PECR: variants seen among roughly 807,000 people sequenced by gnomAD.
PECR encodes the protein peroxisomal trans-2-enoyl-CoA reductase, also known as 2,4-dienoyl-CoA reductase-related protein.
A neutral mutation model predicts 35.3 loss-of-function variants in PECR; 30 were observed. That is an observed-to-expected ratio of 0.85 (90% CI 0.64 to 1.15). The LOEUF (loss-of-function observed/expected upper bound fraction) is 1.15. Among genes scored for constraint, PECR ranks in the 50% most tolerant of loss-of-function variants. The pLI is 0.00. For synonymous variants in PECR, 148 were observed against 138.9 expected, an observed-to-expected ratio of 1.07 and a Z score of -0.46; for missense variants, 392 against 370.8, an observed-to-expected ratio of 1.06 and a Z score of -0.47.
At chr2:216,036,518 A>T (rs555280059), downstream of PECR, among the ~76,000 whole-genome samples, 2 of 152,294 alleles carry the variant, frequency 1.3e-5, no homozygotes, top group East Asian at 3.9e-4. Flanking sequence ...AGGAGGAGAG[A>T]GAGTTACTTT....
chr2:216,063,172 C>A (rs1222397017), intron 3 of PECR, among the ~76,000 whole-genome samples: 1 of 152,072 alleles, frequency 6.6e-6, no homozygotes, highest in East Asian at 1.9e-4. Flanking sequence ...TGATATCTGG[C>A]AATATTTTTT....
chr2:216,038,254 C>T (rs542316209), downstream of PECR, among the ~76,000 whole-genome samples: 37 of 152,210 alleles, frequency 2.4e-4, 1 homozygote, highest in Admixed American at 2.2e-3. Context: ...ACTGGAGCCA[C>T]GGAAGGCAGA....
chr2:216,033,482 G>A (rs1329642312), downstream of PECR, among the ~76,000 whole-genome samples: 1 of 152,078 alleles, frequency 6.6e-6, no homozygotes, highest in Non-Finnish European at 1.5e-5. Flanking sequence ...TCCAACAAGA[G>A]CCCTGAAGGA....
chr2:216,038,876 C>T lies in PECR; in HGVS notation c.*399G>A, dbSNP rs1277407603. The T allele has an allele frequency of 4.6e-6, 1 of 217,016 alleles. No individual in the cohort carries two copies. Among genetic ancestry groups the T allele is most frequent in the Non-Finnish European group, 9.3e-6 (1 of 107,638 alleles). The allele number at this position is 217,016 out of a possible 1,614,324, so 13.4% of individuals were successfully genotyped here. A position where few individuals can be genotyped will look rare whatever the true frequency, so the allele number is the denominator to read the frequency against. ...CTGACCTCAACTGACCCGCCTACCT[C>T]GGCCTCCCAAAGTGCTGGAATTACA... On this transcript the variant is annotated 3_prime_UTR_variant, in exon 8 of 8. Coordinates refer to ENST00000265322, the MANE Select transcript of PECR (RefSeq NM_018441.6).
intron 3 of PECR, 62 bp from the exon 4 acceptor site, chr2:216,059,038 T>G: frequency 1.1e-6 from 1 of 946,844 alleles, no homozygotes. Flanking sequence ...TCCTGATACC[T>G]TGTTTCAGCA....
chr2:216,043,685 T>C (rs994555969), intron 7 of PECR, among the ~76,000 whole-genome samples: 3 of 152,140 alleles, frequency 2.0e-5, no homozygotes, highest in Non-Finnish European at 4.4e-5. Context: ...AACCTATGCA[T>C]GCACAAAAAG....
chr2:216,060,477 C>A (rs1336077242), intron 3 of PECR, among the ~76,000 whole-genome samples: 2 of 152,074 alleles, frequency 1.3e-5, no homozygotes, highest in South Asian at 2.1e-4. Context: ...GCCTGGGCAA[C>A]AGAGAAAAAC....
intron 3 of PECR, among the ~76,000 whole-genome samples, chr2:216,060,158 T>C (rs1695306310): frequency 6.6e-6 from 1 of 152,162 alleles, no homozygotes; most frequent in African/African-American, 2.4e-5. Flanking sequence ...CTTGAAAACA[T>C]ATATGAAAAA....
intron 7 of PECR, among the ~76,000 whole-genome samples, 196 bp downstream of exon 7, chr2:216,043,708 A>ATATAGATAGTTAGATATT (rs1694939275): frequency 6.6e-6 from 1 of 152,206 alleles, no homozygotes; most frequent in Non-Finnish European, 1.5e-5. Flanking sequence ...CAGTTCCATA[A>ATATAGATAGTTAGATATT]TATAGATAGT....
At chr2:216,066,073 G>A (rs1046439932) in intron 2 of PECR, among the ~76,000 whole-genome samples, 50 of 152,268 alleles carry the variant, frequency 3.3e-4, no homozygotes, top group Middle Eastern at 6.8e-3. Context: ...GCAGTGAGCC[G>A]ATATAGTGCC....
intron 7 of PECR, among the ~76,000 whole-genome samples, chr2:216,030,952 TCTCTCACACACACACA>T (rs1292239873): frequency 1.9e-5 from 2 of 106,988 alleles, no homozygotes; most frequent in African/African-American, 8.0e-5. Context: ...TCTCTCTCTC[TCTCTCACACACACACA>T]CACACACACA....
chr2:216,042,607 A>G lies in PECR; in HGVS notation c.826+1297T>C, dbSNP rs370544951. 3.3e-4 allele frequency among the ~76,000 whole-genome samples: 51 copies of G among 152,258 alleles called. No individual in the cohort carries two copies. The East Asian group carries it at 5.4e-3, about 16-fold the overall frequency. On this transcript the variant is annotated intron_variant, in intron 7 of 7. Transcript: ENST00000265322. ...TAGATAAACCTTTTAACGTCTGTGG[A>G]TTTGTTTTGTTGTTTATAAAACTAG...
At chr2:216,029,172 A>C (rs1694641781) in intron 7 of PECR, among the ~76,000 whole-genome samples, 1 of 152,244 alleles carries the variant, frequency 6.6e-6, no homozygotes, top group African/African-American at 2.4e-5. Context: ...GCTTGATGGC[A>C]GCAGATGTAA....
At chr2:216,053,653 T>C (rs1327170720) in intron 4 of PECR, among the ~76,000 whole-genome samples, 2 of 152,178 alleles carry the variant, frequency 1.3e-5, no homozygotes, top group African/African-American at 2.4e-5. Context: ...GAGCATCCTA[T>C]TGGTGCTCAA....
downstream of PECR, among the ~76,000 whole-genome samples, chr2:216,035,091 G>C (rs557817524): frequency 2.0e-5 from 3 of 152,230 alleles, no homozygotes; most frequent in East Asian, 1.9e-4. Context: ...CAAGTGGCAG[G>C]CTCCAGATGT....
chr2:216,046,310 A>ATATTTTTTTTTT (rs1553560626), intron 6 of PECR, among the ~76,000 whole-genome samples: 1 of 96,974 alleles, frequency 1.0e-5, no homozygotes, highest in African/African-American at 4.6e-5. Context: ...ATATATATAT[A>ATATTTTTTTTTT]TTTTTTTTTT....
intron 3 of PECR, among the ~76,000 whole-genome samples, chr2:216,060,874 GA>G (rs60931833): frequency 0.12 from 18,572 of 151,642 alleles, 1,707 homozygotes; most frequent in African/African-American, 0.24. Flanking sequence ...TAAGGCTTAG[GA>G]GGTGAGAAAA....
At chr2:216,061,311 CAAAAAAAAAAAAAA>C (rs56791924) in intron 3 of PECR, among the ~76,000 whole-genome samples, 2 of 44,932 alleles carry the variant, frequency 4.5e-5, no homozygotes, top group Non-Finnish European at 7.4e-5. Flanking sequence ...AACCCTGTCT[CAAAAAAAAAAAAAA>C]AAAAAAAAAA....
chr2:216,057,202 C>G (rs775681465), intron 4 of PECR, among the ~76,000 whole-genome samples: 1 of 152,148 alleles, frequency 6.6e-6, no homozygotes, highest in Non-Finnish European at 1.5e-5. Flanking sequence ...TTAGGCTACA[C>G]ACTATCTGAT....
Sources: gnomAD v4.1 joint callset for allele counts (sites outside exome capture counted in the v4.1 genomes callset) on GRCh38, gnomAD v4.1.1 for gene constraint, MANE v1.5 for transcripts, NCBI Gene and HGNC (gene_info 2026-07-23, HGNC 2026-07-21) for gene names.